RABGAP1L: variants seen among roughly 807,000 people sequenced by gnomAD.
RABGAP1L encodes the protein RAB GTPase activating protein 1 like.
Under a neutral mutation model 137.7 loss-of-function variants are expected in RABGAP1L, and 63 were observed. The ratio of observed to expected loss-of-function variants is 0.46; its 90% CI spans 0.37 to 0.56. RABGAP1L has a LOEUF of 0.56. RABGAP1L is among the 20% of genes least tolerant of loss of function. RABGAP1L has a pLI of 0.00. For synonymous variants in RABGAP1L, 431 were observed against 433.7 expected (o/e 0.99, Z 0.08); for missense variants, 1,095 against 1,244.0 (o/e 0.88, Z 1.80).
chr1:174,484,612 G>A (rs931268284), intron 13 of RABGAP1L, among the ~76,000 whole-genome samples: 4 of 152,146 alleles, frequency 2.6e-5, no homozygotes, highest in Non-Finnish European at 5.9e-5. Flanking sequence ...TCTGCATATG[G>A]ATAATCAGTT....
At chr1:174,826,790 G>A (rs967406194) in intron 19 of RABGAP1L, among the ~76,000 whole-genome samples, 5 of 152,036 alleles carry the variant, frequency 3.3e-5, no homozygotes, top group African/African-American at 7.2e-5. Flanking sequence ...TTTTCTCTGC[G>A]GCCTCGCCAA....
chr1:174,804,259 G>GT (rs76148697), intron 18 of RABGAP1L, among the ~76,000 whole-genome samples: 91,421 of 146,098 alleles, frequency 0.63, 31,862 homozygotes, highest in East Asian at 0.93. Context: ...TTTTTTGTTT[G>GT]TTTTGTTTTG....
chr1:174,794,773 T>C (rs544499451), intron 18 of RABGAP1L, among the ~76,000 whole-genome samples: 33 of 152,322 alleles, frequency 2.2e-4, no homozygotes, highest in Non-Finnish European at 4.3e-4. Context: ...CCTTTTATAG[T>C]GTCCATCACA....
chr1:174,450,712 G>A (rs1411700156), intron 13 of RABGAP1L, among the ~76,000 whole-genome samples: 2 of 152,112 alleles, frequency 1.3e-5, no homozygotes, highest in Non-Finnish European at 1.5e-5. Context: ...AATTAGCGAA[G>A]CAAGTATGAG....
chr1:174,285,916 C>T (rs1405588728), intron 10 of RABGAP1L, among the ~76,000 whole-genome samples: 1 of 152,052 alleles, frequency 6.6e-6, no homozygotes, highest in Non-Finnish European at 1.5e-5. Context: ...TCATCTTGCA[C>T]CCCAGGGATG....
chr1:174,372,385 G>C (rs1685177519), intron 12 of RABGAP1L, among the ~76,000 whole-genome samples: 1 of 151,964 alleles, frequency 6.6e-6, no homozygotes, highest in African/African-American at 2.4e-5. Flanking sequence ...CAGTTTGGTT[G>C]GTTATAGGCA....
rs1475718227 is a variant in RABGAP1L, at chr1:174,604,428, ATGT to A, written c.1711-32941_1711-32939del. Among the ~76,000 whole-genome samples, 7 of 152,260 alleles carry A rather than the reference ATGT, an allele frequency of 4.6e-5. No homozygotes were observed. In the South Asian group the frequency reaches 1.0e-3, roughly 23 times the overall value. Reference sequence around the variant, plus strand: ...CAGCTAATGCTAGGGGATAGAGGTGATGTTGTTGGCAATTCAAGACTGTCTTTT... The same window carrying A: ...CAGCTAATGCTAGGGGATAGAGGTGATGTTGGCAATTCAAGACTGTCTTTT... On this transcript the variant is annotated intron_variant, in intron 13 of 25. Transcript: ENST00000681986.
intron 17 of RABGAP1L, among the ~76,000 whole-genome samples, chr1:174,751,049 C>CT (rs1303231977): frequency 2.6e-5 from 4 of 151,944 alleles, no homozygotes; most frequent in African/African-American, 9.7e-5. Context: ...AGGATAATTG[C>CT]TTAGTATGGT....
At chr1:174,348,886 A>T (rs1275046695) in intron 11 of RABGAP1L, among the ~76,000 whole-genome samples, 1 of 152,190 alleles carries the variant, frequency 6.6e-6, no homozygotes, top group African/African-American at 2.4e-5. Flanking sequence ...CAACCATCCG[A>T]TTTCCCAATC....
intron 3 of RABGAP1L, among the ~76,000 whole-genome samples, chr1:174,223,647 A>T (rs1485398888): frequency 6.6e-6 from 1 of 152,162 alleles, no homozygotes; most frequent in Admixed American, 6.5e-5. Flanking sequence ...ATGTTGATTG[A>T]TAGGAGTCAA....
At chr1:174,409,609 A>T (rs1649672430) in intron 13 of RABGAP1L, among the ~76,000 whole-genome samples, 1 of 152,184 alleles carries the variant, frequency 6.6e-6, no homozygotes, top group Non-Finnish European at 1.5e-5. Flanking sequence ...GAGCCTATAA[A>T]TGGATGTGCA....
intron 13 of RABGAP1L, among the ~76,000 whole-genome samples, chr1:174,425,595 A>G (rs1268222391): frequency 6.6e-6 from 1 of 152,086 alleles, no homozygotes; most frequent in African/African-American, 2.4e-5. Flanking sequence ...TCTTTATACT[A>G]ACAGAGTTTT....
chr1:174,724,676 T>C (rs925380365), intron 17 of RABGAP1L, among the ~76,000 whole-genome samples: 1 of 152,218 alleles, frequency 6.6e-6, no homozygotes, highest in African/African-American at 2.4e-5. Flanking sequence ...ATATGGTTAA[T>C]AGAACAGACG....
At chr1:174,612,483 T>A (rs1169572617) in intron 13 of RABGAP1L, among the ~76,000 whole-genome samples, 2 of 152,218 alleles carry the variant, frequency 1.3e-5, no homozygotes, top group African/African-American at 4.8e-5. Flanking sequence ...GATTTTTGCA[T>A]CAATGTTCAC....
Position 174,963,047 on chromosome 1 carries a change from A to G in RABGAP1L, c.2433+5498A>G, listed in dbSNP as rs1400262725. Reference sequence around the variant, plus strand: ...CTGGGAGGCAGAGGTTGCAGTGGGCAGAGATCGTGCCACTGGACTCCTGCC... The same window carrying G: ...CTGGGAGGCAGAGGTTGCAGTGGGCGGAGATCGTGCCACTGGACTCCTGCC... On this transcript the variant is annotated intron_variant, in intron 20 of 25. Coordinates refer to ENST00000681986, the MANE Select transcript of RABGAP1L (RefSeq NM_001366446.1). Among the ~76,000 whole-genome samples, 3 of 152,080 alleles carry G rather than the reference A, an allele frequency of 2.0e-5. No individual in the cohort carries two copies. The East Asian group carries it at 5.8e-4, about 29-fold the overall frequency.
At chr1:174,723,959 G>A (rs1681788522) in intron 17 of RABGAP1L, among the ~76,000 whole-genome samples, 1 of 152,212 alleles carries the variant, frequency 6.6e-6, no homozygotes, top group Non-Finnish European at 1.5e-5. Flanking sequence ...TAGTTGTGTT[G>A]TGATAGCAAC....
At chr1:174,269,850 A>G (rs1429276993) in intron 7 of RABGAP1L, among the ~76,000 whole-genome samples, 1 of 152,170 alleles carries the variant, frequency 6.6e-6, no homozygotes, top group Non-Finnish European at 1.5e-5. Flanking sequence ...TAGGTGGGAT[A>G]GCAATTTGCT....
At chr1:174,439,265 A>G (rs1235893853) in intron 13 of RABGAP1L, among the ~76,000 whole-genome samples, 1 of 152,174 alleles carries the variant, frequency 6.6e-6, no homozygotes, top group African/African-American at 2.4e-5. Context: ...AGTGCCACTA[A>G]ATTAACTTTT....
chr1:174,505,772 A>G (rs960725715), intron 13 of RABGAP1L, among the ~76,000 whole-genome samples: 1 of 152,204 alleles, frequency 6.6e-6, no homozygotes, highest in Non-Finnish European at 1.5e-5. Context: ...TAGAACCACC[A>G]TAGGATCCAG....
Sources: gnomAD v4.1 joint callset for allele counts (sites outside exome capture counted in the v4.1 genomes callset) on GRCh38, gnomAD v4.1.1 for gene constraint, MANE v1.5 for transcripts, NCBI Gene and HGNC (gene_info 2026-07-23, HGNC 2026-07-21) for gene names.